The following HMCN1 variants were observed in gnomAD, a reference collection of about 807,000 sequenced individuals.
HMCN1 encodes the protein hemicentin-1.
In HMCN1, 321 loss-of-function variants were observed where a neutral mutation model predicts 625.9. The observed-to-expected ratio is 0.51, with a 90% CI of 0.47 to 0.56. The LOEUF (loss-of-function observed/expected upper bound fraction) is 0.56, where lower values mean the gene tolerates loss of function less well. Ranked by LOEUF, HMCN1 falls within the 20% of genes least tolerant of loss-of-function variation. The pLI is 0.00. For synonymous variants in HMCN1, 2,425 were observed against 2,417.6 expected (o/e 1.00, Z -0.09); for missense variants, 6,588 against 6,887.3 (o/e 0.96, Z 1.54).
chr1:185,965,900 G>C lies in HMCN1; in HGVS notation c.2197G>C (p.Val733Leu). The C allele has an allele frequency of 1.3e-6, 2 of 1,575,532 alleles. No individual in the cohort carries two copies. Among genetic ancestry groups the C allele is most frequent in the Non-Finnish European group, 1.7e-6 (2 of 1,145,068 alleles). ...AACCTCTGGTATTCCTCCACCTCAA[G>C]TTAAATGGTTCAAAGGTACATTTCT... ...CKTSGIPPPQ[V>L]KWFKGDLELR... Residue 733 changes from valine (V) to leucine (L), a missense_variant, in exon 14 of 107, where the codon GTT becomes CTT. Coordinates refer to ENST00000271588, the MANE Select transcript of HMCN1 (RefSeq NM_031935.3).
chr1:186,020,002 C>T (rs1382302776), intron 35 of HMCN1, among the ~76,000 whole-genome samples: 1 of 151,766 alleles, frequency 6.6e-6, no homozygotes, highest in Non-Finnish European at 1.5e-5. Context: ...TGATGTTCAT[C>T]AGTAATAAGC....
chr1:186,072,460 A>G (rs912083724), intron 52 of HMCN1, among the ~76,000 whole-genome samples: 1 of 152,172 alleles, frequency 6.6e-6, no homozygotes, highest in East Asian at 1.9e-4. Context: ...AAATGCAGGG[A>G]ATACAGCTGT....
At chr1:186,125,558 T>A (rs770402625) in intron 81 of HMCN1, 46 bp from the exon 82 acceptor site, 11 of 1,425,352 alleles carry the variant, frequency 7.7e-6, no homozygotes, top group Non-Finnish European at 9.9e-6. Context: ...ATAAAGACAT[T>A]ATTGAACTCA....
In HMCN1 at chr1:185,990,251, T is replaced by G. The variant is rs201241885; in HGVS notation, c.3209-24T>G. 239 of 1,607,902 alleles carry G rather than the reference T, an allele frequency of 1.5e-4. No individual in the cohort carries two copies. The East Asian group carries it at 5.1e-3, about 34-fold the overall frequency. On this transcript the variant is annotated intron_variant, in intron 21 of 106. Transcript: ENST00000271588. ...CTTTGTTTTCAATATACTGTTTCCC[T>G]TCCAAAACATGTGTTTATTTTAGTA...
intron 4 of HMCN1, among the ~76,000 whole-genome samples, chr1:185,890,216 T>C (rs1664969253): frequency 6.7e-6 from 1 of 148,850 alleles, no homozygotes. Flanking sequence ...TCTTTATTAG[T>C]CTTGCTAGCG....
chr1:185,945,720 C>G (rs1481858025), intron 11 of HMCN1, among the ~76,000 whole-genome samples: 2 of 152,056 alleles, frequency 1.3e-5, no homozygotes, highest in Non-Finnish European at 2.9e-5. Flanking sequence ...ACAGTCTGTT[C>G]AGATGGAGAA....
intron 1 of HMCN1, among the ~76,000 whole-genome samples, chr1:185,794,910 A>G (rs558657892): frequency 9.2e-5 from 14 of 152,320 alleles, no homozygotes; most frequent in African/African-American, 3.4e-4. Flanking sequence ...TTCTCTGTAT[A>G]TTTGGGGTAG....
chr1:185,939,882 G>A (rs1447398445), intron 11 of HMCN1, among the ~76,000 whole-genome samples: 2 of 151,996 alleles, frequency 1.3e-5, no homozygotes, highest in African/African-American at 4.8e-5. Flanking sequence ...TAGATTTTAG[G>A]TCAATTTATA....
chr1:185,878,099 T>G (rs1478456958), intron 4 of HMCN1, among the ~76,000 whole-genome samples: 1 of 152,244 alleles, frequency 6.6e-6, no homozygotes, highest in Non-Finnish European at 1.5e-5. Flanking sequence ...TACATTGATT[T>G]CATATTCTGA....
chr1:185,823,248 C>T (rs925495816), intron 1 of HMCN1, among the ~76,000 whole-genome samples: 6 of 152,022 alleles, frequency 3.9e-5, no homozygotes, highest in South Asian at 2.1e-4. Flanking sequence ...CAGAGCAATG[C>T]GTTCTTGAGA....
Position 186,166,873 on chromosome 1 carries a change from G to A in HMCN1, c.15505G>A (p.Gly5169Arg), listed in dbSNP as rs750614060. 8.7e-6 allele frequency: 14 copies of A among 1,614,126 alleles called. No homozygotes were observed. Among genetic ancestry groups the A allele is most frequent in the South Asian group, 1.1e-5 (1 of 91,080 alleles). Residue 5169 changes from glycine to arginine, a missense_variant, in exon 100 of 107, where the codon GGA becomes AGA. By Grantham distance (125) the Gly-to-Arg change is moderately radical. Transcript: ENST00000271588. ...HAGQDCDNTI[G>R]SYRCVVRCGS... ...TGGTCAGGACTGTGACAATACGATT[G>A]GATCTTATCGCTGTGTGGTCCGTTG...
chr1:186,081,228 C>A lies in HMCN1; in HGVS notation c.8621C>A (p.Ala2874Glu). 7 of 1,613,538 alleles carry A rather than the reference C, an allele frequency of 4.3e-6. No individual in the cohort carries two copies. The highest frequency in any genetic ancestry group is 5.9e-6 in the Non-Finnish European group (7 of 1,179,532). Reference protein sequence around the residue: ...RVLVPPIIKGANSDLPEEVTV... With the variant: ...RVLVPPIIKGENSDLPEEVTV... ...TTAGTGCCGCCAATTATCAAGGGAGCAAATAGTGATCTCCCTGAAGAGGTC... is the reference window on the plus strand; with the variant it reads ...TTAGTGCCGCCAATTATCAAGGGAGAAAATAGTGATCTCCCTGAAGAGGTC... Residue 2874 changes from alanine to glutamate, a missense_variant, in exon 56 of 107, where the codon GCA becomes GAA. Coordinates refer to ENST00000271588, the MANE Select transcript of HMCN1 (RefSeq NM_031935.3).
At chr1:186,057,059 A>G (rs59348325) in intron 45 of HMCN1, among the ~76,000 whole-genome samples, 175 bp from the exon 46 acceptor site, 6,394 of 151,738 alleles carry the variant, frequency 0.042, 470 homozygotes, top group African/African-American at 0.15. Context: ...ACACACACAC[A>G]CACACACAGC....
chr1:186,117,674 T>A (rs1183447564), intron 77 of HMCN1, 51 bp downstream of exon 77: 1 of 1,534,896 alleles, frequency 6.5e-7, no homozygotes, highest in African/African-American at 1.4e-5. Context: ...TATTTATTGA[T>A]GCATATTCTT....
At chr1:185,909,291 G>A (rs780241379) in intron 4 of HMCN1, 46 bp from the exon 5 acceptor site, 1 of 1,474,276 alleles carries the variant, frequency 6.8e-7, no homozygotes, top group Non-Finnish European at 9.5e-7. Flanking sequence ...ATATAAAACT[G>A]CGAATGTTTT....
At chr1:185,985,659 G>T (rs1438676901) in intron 19 of HMCN1, among the ~76,000 whole-genome samples, 2 of 152,186 alleles carry the variant, frequency 1.3e-5, no homozygotes, top group African/African-American at 2.4e-5. Context: ...AGTCAATGGA[G>T]TTAAAAAATT....
At chr1:185,856,792 G>A (rs1662495896) in intron 2 of HMCN1, among the ~76,000 whole-genome samples, 1 of 152,162 alleles carries the variant, frequency 6.6e-6, no homozygotes, top group Admixed American at 6.5e-5. Context: ...ATAAAAACGA[G>A]TTCAATGAAA....
At chr1:185,884,480 T>G (rs979918211) in intron 4 of HMCN1, among the ~76,000 whole-genome samples, 3 of 152,014 alleles carry the variant, frequency 2.0e-5, no homozygotes, top group Non-Finnish European at 4.4e-5. Flanking sequence ...CTCAATTATA[T>G]TTCCAGGCTG....
At chr1:186,129,925 G>A (rs1439866162) in intron 83 of HMCN1, 41 bp from the exon 84 acceptor site, 2 of 1,611,188 alleles carry the variant, frequency 1.2e-6, no homozygotes, top group East Asian at 4.5e-5. Flanking sequence ...ATTTTTCCTA[G>A]GTTACTGAGA....
Sources: allele counts gnomAD v4.1 joint callset (sites outside exome capture counted in the v4.1 genomes callset), GRCh38; gene constraint gnomAD v4.1.1; transcripts MANE v1.5; gene names NCBI Gene and HGNC (gene_info 2026-07-23, HGNC 2026-07-21).